CHRM3: variants seen among roughly 807,000 people sequenced by gnomAD.
The protein encoded by CHRM3 is cholinergic receptor muscarinic 3.
CHRM3 carries 11 observed loss-of-function variants against 41.8 expected under a neutral mutation model. The observed-to-expected ratio is 0.26, with a 90% CI of 0.17 to 0.44. CHRM3 has a LOEUF of 0.44. CHRM3 is among the 20% of genes least tolerant of loss of function. The pLI is 1.00. For missense variants in CHRM3, 571 were observed against 745.4 expected, an observed-to-expected ratio of 0.77 and a Z score of 2.72; for synonymous variants, 297 against 301.4, an observed-to-expected ratio of 0.99 and a Z score of 0.15.
rs565164210 is a variant in CHRM3 at position 239,731,578 on chromosome 1, G to A, written c.-147+53290G>A. 1.8e-4 allele frequency among the ~76,000 whole-genome samples: 28 copies of A among 152,028 alleles called. No individual in the cohort carries two copies. In the South Asian group the frequency reaches 5.6e-3, roughly 30 times the overall value. The stretch of plus-strand genomic sequence containing the variant: ...AGCAAGAACAAGAGAAAGGAAGAGG[G>A]AGAGAGCAGGGGGAGAGAGAACAGT... On this transcript the variant is annotated intron_variant, in intron 5 of 6. Coordinates refer to ENST00000676153, the MANE Select transcript of CHRM3 (RefSeq NM_001375978.1).
intron 2 of CHRM3, among the ~76,000 whole-genome samples, chr1:239,521,387 A>G (rs1282524270): frequency 6.6e-6 from 1 of 152,200 alleles, no homozygotes; most frequent in Non-Finnish European, 1.5e-5. Context: ...ATACGAGAGG[A>G]CAATAGACCT....
At chr1:239,818,699 A>G (rs925866615) in intron 5 of CHRM3, among the ~76,000 whole-genome samples, 1 of 152,190 alleles carries the variant, frequency 6.6e-6, no homozygotes, top group Non-Finnish European at 1.5e-5. Flanking sequence ...TTGCAATTCT[A>G]GAATTAGGCA....
At chr1:239,484,412 AT>A (rs1667056479) in intron 1 of CHRM3, among the ~76,000 whole-genome samples, 1 of 152,220 alleles carries the variant, frequency 6.6e-6, no homozygotes, top group South Asian at 2.1e-4. Flanking sequence ...TGCCCTCAGG[AT>A]AAGGTACCTC....
At chr1:239,614,265 C>A (rs377495083) in intron 3 of CHRM3, among the ~76,000 whole-genome samples, 3 of 152,100 alleles carry the variant, frequency 2.0e-5, no homozygotes, top group Admixed American at 2.0e-4. Flanking sequence ...CTGTATCCTG[C>A]CTGTGCTTTC....
chr1:239,504,397 C>CA (rs1346155140), intron 2 of CHRM3, among the ~76,000 whole-genome samples: 1 of 151,926 alleles, frequency 6.6e-6, no homozygotes, highest in East Asian at 1.9e-4. Context: ...TGGCCATAAT[C>CA]AAAAAATCAA....
At chr1:239,452,313 C>T (rs1195378672) in intron 1 of CHRM3, among the ~76,000 whole-genome samples, 1 of 152,164 alleles carries the variant, frequency 6.6e-6, no homozygotes, top group Non-Finnish European at 1.5e-5. Context: ...CTAACAGTTA[C>T]TCTTATTACC....
At position 239,418,422 on chromosome 1, in the gene CHRM3, A is replaced by G. The variant is rs569963900; in HGVS notation, c.-521+31195A>G. Among the ~76,000 whole-genome samples, 14 of 152,084 alleles carry G rather than the reference A, an allele frequency of 9.2e-5. No homozygotes were observed. The East Asian group carries it at 2.7e-3, about 29-fold the overall frequency. ...GTTCAGATCTATCTAGAAAACAGTC[A>G]TTTTTCAGTTTCTACATTAAGGGAC... On this transcript the variant is annotated intron_variant, in intron 1 of 6. Transcript: ENST00000676153.
chr1:239,597,763 C>T (rs1558355313), intron 3 of CHRM3, among the ~76,000 whole-genome samples: 1 of 150,548 alleles, frequency 6.6e-6, no homozygotes, highest in East Asian at 1.9e-4. Context: ...ATTTTCCAGC[C>T]AGCAGCATTT....
intron 4 of CHRM3, among the ~76,000 whole-genome samples, chr1:239,670,703 T>A (rs1429368671): frequency 6.6e-6 from 1 of 152,010 alleles, no homozygotes; most frequent in Non-Finnish European, 1.5e-5. Context: ...AATTTTTGTA[T>A]TTTTAGTAGA....
Position 239,909,266 on chromosome 1 carries a change from A to C in CHRM3, c.*42A>C. The C allele has an allele frequency of 6.5e-7, 1 of 1,544,198 alleles. No homozygotes were observed. Among genetic ancestry groups the C allele is most frequent in the African/African-American group, 1.4e-5 (1 of 72,884 alleles). On this transcript the variant is annotated 3_prime_UTR_variant, in exon 7 of 7. Transcript: ENST00000676153. ...TAGCAGTGACAAAACGCACACATCA[A>C]CCCACAGACCTTAGGAGGAGGAAGG...
At chr1:239,542,230 T>C (rs1231850450) in intron 2 of CHRM3, among the ~76,000 whole-genome samples, 1 of 152,126 alleles carries the variant, frequency 6.6e-6, no homozygotes, top group East Asian at 1.9e-4. Context: ...TTCAAAATGT[T>C]ATGGCAGTAT....
At chr1:239,720,424 TA>T (rs1428875227) in intron 5 of CHRM3, among the ~76,000 whole-genome samples, 6 of 151,994 alleles carry the variant, frequency 3.9e-5, no homozygotes, top group African/African-American at 1.4e-4. Flanking sequence ...AAACCTAAAT[TA>T]AAGTAAAATT....
chr1:239,484,558 G>T (rs1667064823), intron 1 of CHRM3, among the ~76,000 whole-genome samples: 1 of 152,118 alleles, frequency 6.6e-6, no homozygotes. Context: ...AAACAGCTAG[G>T]TGTGGTGGTG....
At position 239,803,804 on chromosome 1, in the gene CHRM3, G is replaced by A. The variant is rs73127387; in HGVS notation, c.-146-23448G>A. 5.6e-3 allele frequency among the ~76,000 whole-genome samples: 850 copies of A among 152,276 alleles called. 4 individuals carry two copies. Among genetic ancestry groups the A allele is most frequent in the African/African-American group, 0.019 (801 of 41,560 alleles). Reference sequence around the variant, plus strand: ...ATACCACATTGCCAAGCAGAGCGGGGTTCCACCAAGTGAAGCAGAATAGTG... The same window carrying A: ...ATACCACATTGCCAAGCAGAGCGGGATTCCACCAAGTGAAGCAGAATAGTG... On this transcript the variant is annotated intron_variant, in intron 5 of 6. Transcript: ENST00000676153.
intron 5 of CHRM3, among the ~76,000 whole-genome samples, chr1:239,717,574 T>G (rs1004097629): frequency 6.6e-6 from 1 of 152,054 alleles, no homozygotes; most frequent in African/African-American, 2.4e-5. Flanking sequence ...TAACATTTCA[T>G]CAGATCTGAG....
chr1:239,630,221 A>T (rs1669659495), intron 3 of CHRM3, among the ~76,000 whole-genome samples: 1 of 152,204 alleles, frequency 6.6e-6, no homozygotes, highest in South Asian at 2.1e-4. Context: ...TTTAACATTA[A>T]TGGTGCTACT....
At chr1:239,617,556 C>T (rs1667768811) in intron 3 of CHRM3, among the ~76,000 whole-genome samples, 1 of 152,034 alleles carries the variant, frequency 6.6e-6, no homozygotes, top group Non-Finnish European at 1.5e-5. Context: ...GAGACCTCGT[C>T]TCTACAAACA....
chr1:239,706,694 CCA>C (rs1226996805), intron 5 of CHRM3, among the ~76,000 whole-genome samples: 2 of 147,908 alleles, frequency 1.4e-5, no homozygotes, highest in East Asian at 2.0e-4. Context: ...AGGCATGCAC[CCA>C]CACACACGTG....
intron 6 of CHRM3, among the ~76,000 whole-genome samples, chr1:239,847,758 AC>A (rs1252948893): frequency 1.3e-5 from 2 of 151,908 alleles, no homozygotes; most frequent in Non-Finnish European, 2.9e-5. Context: ...ACAAACACAT[AC>A]AAAAACTAGC....
Sources: gnomAD v4.1 joint callset for allele counts (sites outside exome capture counted in the v4.1 genomes callset) on GRCh38, gnomAD v4.1.1 for gene constraint, MANE v1.5 for transcripts, NCBI Gene and HGNC (gene_info 2026-07-23, HGNC 2026-07-21) for gene names.